SCUBE1: variants seen among roughly 807,000 people sequenced by gnomAD.
The protein encoded by SCUBE1 is signal peptide, CUB and EGF-like domain-containing protein 1.
Under a neutral mutation model 124.4 loss-of-function variants are expected in SCUBE1, and 59 were observed. The observed-to-expected ratio is 0.47, with a 90% CI of 0.38 to 0.59. The LOEUF (loss-of-function observed/expected upper bound fraction) is 0.59, where lower values mean the gene tolerates loss of function less well. Ranked by LOEUF, SCUBE1 falls within the 20% of genes least tolerant of loss-of-function variation. The pLI is 0.00. For missense variants in SCUBE1, 1,150 were observed against 1,371.2 expected, an observed-to-expected ratio of 0.84 and a Z score of 2.55; for synonymous variants, 545 against 550.9, an observed-to-expected ratio of 0.99 and a Z score of 0.15.
rs370554899 is a variant in SCUBE1, at chr22:43,211,493, G to A, written c.2222-410C>T. Among the ~76,000 whole-genome samples the A allele has an allele frequency of 2.0e-5, 3 of 152,110 alleles. No individual in the cohort carries two copies. Among genetic ancestry groups the A allele is most frequent in the South Asian group, 2.1e-4 (1 of 4,812 alleles). ...AGGCGGCCGGAGTCTGAGGGGTGCC[G>A]GGGCGGGGGGCTAGAGATGGGCAAT... On this transcript the variant is annotated intron_variant, in intron 17 of 21. Transcript: ENST00000360835. This position sits in a 1 kb window ranked among gnomAD's most constrained non-coding sequence, Gnocchi z 4.5.
At position 43,255,695 on chromosome 22, in the gene SCUBE1, C is replaced by G. The variant is rs985595517; in HGVS notation, c.727+2524G>C. 4.7e-6 allele frequency: 4 copies of G among 844,770 alleles called. No individual in the cohort carries two copies. Among genetic ancestry groups the G allele is most frequent in the Non-Finnish European group, 7.6e-6 (4 of 524,024 alleles). The allele number at this position is 844,770 out of a possible 1,614,324, so 52.3% of individuals were successfully genotyped here. The stretch of plus-strand genomic sequence containing the variant: ...CGCAAAGCCAACACAACACGCCGGC[C>G]AGCTCGGCATCCTCGCCAAGGGGCT... On this transcript the variant is annotated intron_variant, in intron 6 of 21. Coordinates refer to ENST00000360835, the MANE Select transcript of SCUBE1 (RefSeq NM_173050.5). The surrounding 1 kb of genome is among the most constrained non-coding windows in gnomAD (Gnocchi z 4.7).
intron 21 of SCUBE1, among the ~76,000 whole-genome samples, chr22:43,206,417 T>G (rs540564951): frequency 2.8e-3 from 424 of 152,026 alleles, no homozygotes; most frequent in Non-Finnish European, 4.8e-3. Context: ...ACGCGTGCCC[T>G]GAACCCACAC....
chr22:43,302,928 T>C (rs1333764673), intron 3 of SCUBE1, among the ~76,000 whole-genome samples: 1 of 152,084 alleles, frequency 6.6e-6, no homozygotes, highest in Non-Finnish European at 1.5e-5. Flanking sequence ...TCCAGGCCGG[T>C]GGATGGGGCG....
chr22:43,326,936 C>T (rs932873414), intron 2 of SCUBE1, among the ~76,000 whole-genome samples: 2 of 152,128 alleles, frequency 1.3e-5, no homozygotes, highest in African/African-American at 4.8e-5. Flanking sequence ...TAGCCCCTCC[C>T]CCAGCCCAAG....
At chr22:43,293,493 G>A (rs1400871704) in intron 3 of SCUBE1, among the ~76,000 whole-genome samples, 3 of 152,240 alleles carry the variant, frequency 2.0e-5, no homozygotes, top group Admixed American at 6.5e-5. Context: ...CGAAGAGCCG[G>A]CTGCTCCTCA....
At chr22:43,332,650 C>T (rs942453189) in intron 2 of SCUBE1, among the ~76,000 whole-genome samples, 11 of 152,200 alleles carry the variant, frequency 7.2e-5, no homozygotes, top group African/African-American at 2.4e-4. Context: ...CAGGCGAATT[C>T]TGCCATCGGT....
chr22:43,214,789 C>T (rs1002750784), intron 15 of SCUBE1, among the ~76,000 whole-genome samples: 1 of 152,186 alleles, frequency 6.6e-6, no homozygotes, highest in Non-Finnish European at 1.5e-5. Context: ...TGGTTGGCTA[C>T]ACTGAACAAA....
intron 4 of SCUBE1, among the ~76,000 whole-genome samples, 163 bp from the exon 5 acceptor site, chr22:43,263,008 T>C (rs1400927959): frequency 6.6e-6 from 1 of 152,210 alleles, no homozygotes; most frequent in Non-Finnish European, 1.5e-5. Context: ...CATATGCGTG[T>C]GTGCAGCAGC....
intron 3 of SCUBE1, among the ~76,000 whole-genome samples, chr22:43,305,744 AC>A (rs1382874714): frequency 1.3e-5 from 2 of 151,458 alleles, no homozygotes; most frequent in African/African-American, 4.9e-5. Flanking sequence ...CTGGTGTCTG[AC>A]CCCCTGGCGG....
chr22:43,205,658 C>CCCCAT (rs1921204206), intron 21 of SCUBE1, among the ~76,000 whole-genome samples: 4 of 139,244 alleles, frequency 2.9e-5, no homozygotes, highest in African/African-American at 1.2e-4. Flanking sequence ...CACCCCCACA[C>CCCCAT]ACACCACACA....
chr22:43,292,386 G>A lies in SCUBE1; in HGVS notation c.350-1206C>T, dbSNP rs575777335. 1.1e-4 allele frequency among the ~76,000 whole-genome samples: 16 copies of A among 152,252 alleles called. No homozygotes were observed. The East Asian group carries it at 3.1e-3, about 29-fold the overall frequency. On this transcript the variant is annotated intron_variant, in intron 3 of 21. Transcript: ENST00000360835. ...GAGTTCTGGTCTTGAGCACAACAGC[G>A]TGTTTCAATTACCAGAGTCATAACC...
At chr22:43,286,865 C>T (rs1157529482) in intron 4 of SCUBE1, among the ~76,000 whole-genome samples, 1 of 152,244 alleles carries the variant, frequency 6.6e-6, no homozygotes, top group Non-Finnish European at 1.5e-5. Context: ...ACCCTTTCTA[C>T]TCCCGGATCG....
At chr22:43,294,558 T>C (rs2146755796) in intron 3 of SCUBE1, among the ~76,000 whole-genome samples, 1 of 152,298 alleles carries the variant, frequency 6.6e-6, no homozygotes, top group African/African-American at 2.4e-5. Context: ...ATGAGAGGTG[T>C]CCTCATGGAA....
At chr22:43,219,334 C>G (rs1262054660) in intron 14 of SCUBE1, among the ~76,000 whole-genome samples, 2 of 152,184 alleles carry the variant, frequency 1.3e-5, no homozygotes, top group Non-Finnish European at 2.9e-5. Flanking sequence ...CCTCCGTGAG[C>G]AGAAGCAGCC....
At chr22:43,298,660 G>T (rs1012222540) in intron 3 of SCUBE1, among the ~76,000 whole-genome samples, 16 of 152,188 alleles carry the variant, frequency 1.1e-4, no homozygotes, top group African/African-American at 3.9e-4. Flanking sequence ...AGTGCAGACC[G>T]CTGGCCAGTC....
At position 43,201,674 on chromosome 22, in the gene SCUBE1, G is replaced by A. The variant is rs1214027435; in HGVS notation, c.*2323C>T. The A allele has an allele frequency of 2.6e-5, 4 of 152,048 alleles. No homozygotes were observed. Among genetic ancestry groups the A allele is most frequent in the Non-Finnish European group, 5.9e-5 (4 of 68,042 alleles). The allele number at this position is 152,048 out of a possible 1,614,324, so 9.4% of individuals were successfully genotyped here. Reference sequence around the variant, plus strand: ...GGGCTTTGGACTCAGACTGAGTTACGGTGTGGCTTCTCCTGGTCTCCCAAT... The same window carrying A: ...GGGCTTTGGACTCAGACTGAGTTACAGTGTGGCTTCTCCTGGTCTCCCAAT... On this transcript the variant is annotated 3_prime_UTR_variant, in exon 22 of 22. Coordinates refer to ENST00000360835, the MANE Select transcript of SCUBE1 (RefSeq NM_173050.5).
intron 21 of SCUBE1, among the ~76,000 whole-genome samples, chr22:43,206,974 G>A (rs1004980428): frequency 2.0e-5 from 3 of 152,174 alleles, no homozygotes; most frequent in Admixed American, 6.5e-5. Flanking sequence ...CAGCGGGAGC[G>A]TTCCAGCCCT....
intron 6 of SCUBE1, among the ~76,000 whole-genome samples, chr22:43,239,735 C>T (rs1207552446): frequency 6.6e-6 from 1 of 152,222 alleles, no homozygotes; most frequent in East Asian, 1.9e-4. Context: ...GGGTTTCTTC[C>T]TAAGCATCTG....
chr22:43,213,226 G>C (rs1042466035), intron 16 of SCUBE1: 3 of 152,508 alleles, frequency 2.0e-5, no homozygotes, highest in Admixed American at 6.5e-5. Flanking sequence ...CAGACCCTGG[G>C]ATTCTCAGCT....
Sources: gnomAD v4.1 joint callset for allele counts (sites outside exome capture counted in the v4.1 genomes callset) on GRCh38, gnomAD v4.1.1 for gene constraint, Gnocchi (gnomAD v3.1) non-coding constraint, MANE v1.5 for transcripts, NCBI Gene and HGNC (gene_info 2026-07-23, HGNC 2026-07-21) for gene names.